The following IQCJ variants were observed in gnomAD, a reference collection of about 807,000 sequenced individuals.
IQCJ encodes the protein IQ motif containing J, also known as IQ domain-containing protein J.
IQCJ carries 9 observed loss-of-function variants against 11.0 expected under a neutral mutation model. The observed-to-expected ratio is 0.82, with a 90% CI of 0.49 to 1.43. The LOEUF (loss-of-function observed/expected upper bound fraction) is 1.43, where lower values mean the gene tolerates loss of function less well. Ranked by LOEUF, IQCJ falls within the 40% of genes most tolerant of loss-of-function variation. The probability of loss-of-function intolerance (pLI) is 0.00; values close to 1 mark genes in which losing one functional copy is unlikely to be tolerated. For synonymous variants in IQCJ, 55 were observed against 51.3 expected (o/e 1.07, Z -0.31); for missense variants, 146 against 133.2 (o/e 1.10, Z -0.47).
intron 1 of IQCJ, among the ~76,000 whole-genome samples, chr3:159,197,688 A>C (rs1724067076): frequency 6.6e-6 from 1 of 152,110 alleles, no homozygotes; most frequent in South Asian, 2.1e-4. Context: ...TACAGGGCCA[A>C]GTAGGAGAGT....
At chr3:159,230,986 C>G (rs1421943305) in intron 1 of IQCJ, among the ~76,000 whole-genome samples, 1 of 152,196 alleles carries the variant, frequency 6.6e-6, no homozygotes, top group Non-Finnish European at 1.5e-5. Context: ...ATTTTGAAAT[C>G]ACGCTTTTGC....
intron 1 of IQCJ, among the ~76,000 whole-genome samples, chr3:159,199,283 A>T (rs1320009119): frequency 6.6e-6 from 1 of 152,216 alleles, no homozygotes; most frequent in African/African-American, 2.4e-5. Flanking sequence ...GAGAAGATGT[A>T]ATGACCAAAG....
chr3:159,208,512 T>C (rs1724778796), intron 1 of IQCJ, among the ~76,000 whole-genome samples: 2 of 152,220 alleles, frequency 1.3e-5, no homozygotes, highest in African/African-American at 2.4e-5. Context: ...GATCTTGATA[T>C]TTTTCAGCCC....
intron 1 of IQCJ, among the ~76,000 whole-genome samples, chr3:159,102,602 C>T (rs1718003864): frequency 6.6e-6 from 1 of 152,184 alleles, no homozygotes; most frequent in Admixed American, 6.5e-5. Context: ...TGATACTCAC[C>T]TGTGGCATTT....
chr3:159,129,015 A>T lies in IQCJ; in HGVS notation c.9+59574A>T, dbSNP rs575511932. Among the ~76,000 whole-genome samples, 3 of 152,190 alleles carry T rather than the reference A, an allele frequency of 2.0e-5. No homozygotes were observed. The South Asian group carries it at 6.2e-4, about 32-fold the overall frequency. On this transcript the variant is annotated intron_variant, in intron 1 of 3. Coordinates refer to ENST00000397832, the MANE Select transcript of IQCJ (RefSeq NM_001042706.3). ...ATCTTATCCACTGCTAAAAACAACC[A>T]CGCATACCAACTCATCACACGTTCA...
chr3:159,128,236 A>G (rs765794812), intron 1 of IQCJ, among the ~76,000 whole-genome samples: 8 of 152,208 alleles, frequency 5.3e-5, no homozygotes, highest in Non-Finnish European at 1.0e-4. Context: ...CATTCATAAG[A>G]GAAATTTGGG....
At chr3:159,211,192 TA>T (rs1278987693) in intron 1 of IQCJ, among the ~76,000 whole-genome samples, 1 of 152,196 alleles carries the variant, frequency 6.6e-6, no homozygotes, top group African/African-American at 2.4e-5. Context: ...GGGGAGGTAT[TA>T]AAAAATGATC....
intron 1 of IQCJ, among the ~76,000 whole-genome samples, chr3:159,083,821 T>G (rs1328751521): frequency 2.6e-5 from 4 of 152,114 alleles, no homozygotes; most frequent in Non-Finnish European, 5.9e-5. Context: ...AAATTATATA[T>G]TGTATGATTC....
intron 1 of IQCJ, among the ~76,000 whole-genome samples, chr3:159,126,876 C>T (rs756853274): frequency 5.9e-5 from 9 of 152,134 alleles, no homozygotes; most frequent in Non-Finnish European, 1.0e-4. Flanking sequence ...TTTTCAGCCT[C>T]GGCTGATCTT....
intron 1 of IQCJ, among the ~76,000 whole-genome samples, chr3:159,145,468 A>G (rs1044901466): frequency 6.6e-6 from 1 of 152,184 alleles, no homozygotes; most frequent in African/African-American, 2.4e-5. Context: ...AAGTAGCCTT[A>G]AAATTTCCAG....
chr3:159,160,765 G>T (rs1301169312), intron 1 of IQCJ, among the ~76,000 whole-genome samples: 1 of 141,514 alleles, frequency 7.1e-6, no homozygotes, highest in Admixed American at 8.0e-5. Context: ...TCCCACCTAT[G>T]AGTGAGAATA....
In IQCJ at chr3:159,161,591, A is replaced by G. The variant is rs373098751; in HGVS notation, c.10-84252A>G. On this transcript the variant is annotated intron_variant, in intron 1 of 3. Transcript: ENST00000397832. ...TGCCATTGCTTTTGGTGTTTTAGAC[A>G]TGAAGTCCTTGCCCATGCCTATGTC... 1.7e-4 allele frequency among the ~76,000 whole-genome samples: 26 copies of G among 152,296 alleles called. No individual in the cohort carries two copies. In the East Asian group the frequency reaches 3.5e-3, roughly 20 times the overall value.
intron 1 of IQCJ, among the ~76,000 whole-genome samples, chr3:159,217,159 C>G (rs900737993): frequency 6.6e-6 from 1 of 152,032 alleles, no homozygotes; most frequent in Non-Finnish European, 1.5e-5. Flanking sequence ...TCCAATCTGT[C>G]GATATTAAGA....
At chr3:159,224,327 G>C (rs1056222183) in intron 1 of IQCJ, among the ~76,000 whole-genome samples, 8 of 152,152 alleles carry the variant, frequency 5.3e-5, no homozygotes, top group Non-Finnish European at 1.5e-5. Flanking sequence ...TATCAAATTT[G>C]TTTGCATTCA....
At chr3:159,072,450 G>A (rs1715631134) in intron 1 of IQCJ, among the ~76,000 whole-genome samples, 1 of 151,880 alleles carries the variant, frequency 6.6e-6, no homozygotes. Context: ...ATGGAGAGAG[G>A]AGCCGTATTG....
intron 1 of IQCJ, among the ~76,000 whole-genome samples, chr3:159,163,417 C>T (rs1404076791): frequency 3.9e-5 from 6 of 152,144 alleles, no homozygotes; most frequent in Non-Finnish European, 8.8e-5. Flanking sequence ...ATTGATGGGA[C>T]GTATCTCAAA....
intron 1 of IQCJ, among the ~76,000 whole-genome samples, chr3:159,135,276 C>A (rs1001233128): frequency 7.2e-5 from 11 of 152,130 alleles, no homozygotes; most frequent in Admixed American, 6.6e-4. Context: ...TCTATGTCAT[C>A]CATGCTTTCC....
intron 1 of IQCJ, among the ~76,000 whole-genome samples, chr3:159,111,770 C>T (rs1214070001): frequency 6.6e-6 from 1 of 152,146 alleles, no homozygotes; most frequent in African/African-American, 2.4e-5. Context: ...AAATTGGTCA[C>T]ATTAAAGTAA....
chr3:159,126,904 T>C (rs971010374), intron 1 of IQCJ, among the ~76,000 whole-genome samples: 1 of 152,008 alleles, frequency 6.6e-6, no homozygotes, highest in Non-Finnish European at 1.5e-5. Flanking sequence ...GGGCAGAAAA[T>C]GAGGGCAAGC....
Sources: allele counts gnomAD v4.1 joint callset (sites outside exome capture counted in the v4.1 genomes callset), GRCh38; gene constraint gnomAD v4.1.1; transcripts MANE v1.5; gene names NCBI Gene and HGNC (gene_info 2026-07-23, HGNC 2026-07-21).